Variants in IMPACT observed in about 807,000 individuals in gnomAD.
IMPACT encodes impact RWD domain protein, also known as protein IMPACT.
In IMPACT, 35 loss-of-function variants were observed where a neutral mutation model predicts 47.5. That is an observed-to-expected ratio of 0.74 (90% CI 0.56 to 0.98). The LOEUF (loss-of-function observed/expected upper bound fraction) is 0.98, where lower values mean the gene tolerates loss of function less well. Among genes scored for constraint, IMPACT ranks in the 50% least tolerant of loss-of-function variants. IMPACT has a pLI of 0.00. For synonymous variants in IMPACT, 118 were observed against 125.6 expected (o/e 0.94, Z 0.40); for missense variants, 373 against 394.8 (o/e 0.94, Z 0.47).
chr18:24,440,394 C>T (rs1018910645), intron 5 of IMPACT, 102 bp from the exon 6 acceptor site: 13 of 1,217,642 alleles, frequency 1.1e-5, no homozygotes, highest in South Asian at 4.2e-5. Context: ...TGGTTCCTTT[C>T]GTTGAAGAGT....
chr18:24,438,075 C>A, intron 5 of IMPACT, 35 bp downstream of exon 5: 1 of 893,756 alleles, frequency 1.1e-6, no homozygotes, highest in Non-Finnish European at 1.8e-6. Flanking sequence ...ACTCTTTTAA[C>A]TTATAATAAC....
At chr18:24,426,997 G>A (rs565657473) in intron 1 of IMPACT, 62 of 396,986 alleles carry the variant, frequency 1.6e-4, no homozygotes, top group African/African-American at 1.3e-3. Context: ...CGGCGGCCGC[G>A]GTCTCGGCCT....
intron 6 of IMPACT, among the ~76,000 whole-genome samples, chr18:24,440,820 A>T (rs1909090082): frequency 6.6e-6 from 1 of 152,228 alleles, no homozygotes; most frequent in Non-Finnish European, 1.5e-5. Flanking sequence ...AAAAAATGGA[A>T]ATTTACTCTT....
At chr18:24,449,031 G>C (rs1335565020) in intron 9 of IMPACT, among the ~76,000 whole-genome samples, 1 of 152,118 alleles carries the variant, frequency 6.6e-6, no homozygotes, top group Non-Finnish European at 1.5e-5. Flanking sequence ...TAAACTGGTG[G>C]GCTTCACATT....
chr18:24,441,652 G>A (rs903567427), intron 6 of IMPACT, among the ~76,000 whole-genome samples: 1 of 152,138 alleles, frequency 6.6e-6, no homozygotes. Context: ...CATTCTGTTT[G>A]AAGGTGAGGG....
intron 4 of IMPACT, among the ~76,000 whole-genome samples, chr18:24,434,043 T>A (rs1364877647): frequency 2.0e-5 from 3 of 151,950 alleles, no homozygotes; most frequent in Non-Finnish European, 2.9e-5. Flanking sequence ...TACAGGTTTT[T>A]AAAAATTAAA....
At chr18:24,426,916 C>G in intron 1 of IMPACT, 124 bp downstream of exon 1, 1 of 618,476 alleles carries the variant, frequency 1.6e-6, no homozygotes, top group Non-Finnish European at 2.3e-6. Flanking sequence ...ACTGGCCACG[C>G]CATTTGCTCC....
At chr18:24,446,167 A>G (rs1367333959) in intron 8 of IMPACT, among the ~76,000 whole-genome samples, 1 of 151,942 alleles carries the variant, frequency 6.6e-6, no homozygotes, top group East Asian at 1.9e-4. Context: ...GGCCCAAGCA[A>G]TCCTCCCACC....
intron 4 of IMPACT, among the ~76,000 whole-genome samples, chr18:24,430,674 G>A (rs1039047730): frequency 1.2e-4 from 18 of 152,152 alleles, no homozygotes; most frequent in Non-Finnish European, 2.4e-4. Context: ...TGAGATGGGA[G>A]GATTGCTTGA....
chr18:24,428,025 C>T lies in IMPACT; in HGVS notation c.143C>T (p.Pro48Leu), dbSNP rs779470134. The change falls in exon 2 of 11, where the codon CCC (proline) becomes CTC (leucine). Residue 48 changes from proline (P) to leucine (L), a missense_variant. Transcript: ENST00000284202. Reference protein sequence around the residue: ...CIRISDDIDDPKWTLCLQVML... With the variant: ...CIRISDDIDDLKWTLCLQVML... Reference sequence around the variant, plus strand: ...AGAATTAGCGACGATATAGATGACCCCAAATGGACACTTTGCTTGCAGGTA... The same window carrying T: ...AGAATTAGCGACGATATAGATGACCTCAAATGGACACTTTGCTTGCAGGTA... The T allele has an allele frequency of 4.4e-6, 7 of 1,582,114 alleles. No individual in the cohort carries two copies. Among genetic ancestry groups the T allele is most frequent in the Non-Finnish European group, 6.0e-6 (7 of 1,169,668 alleles).
intron 4 of IMPACT, among the ~76,000 whole-genome samples, chr18:24,437,059 A>G (rs7240651): frequency 0.33 from 49,510 of 151,974 alleles, 9,811 homozygotes; most frequent in Middle Eastern, 0.47. Context: ...TTTAAAAACA[A>G]TGTTGTTTTC....
At chr18:24,429,874 T>G (rs1908707864) in intron 3 of IMPACT, among the ~76,000 whole-genome samples, 1 of 150,778 alleles carries the variant, frequency 6.6e-6, no homozygotes. Flanking sequence ...GCCTCCCGGG[T>G]TCACACCATT....
intron 4 of IMPACT, chr18:24,435,397 A>T (rs775844070): frequency 1.3e-5 from 2 of 152,240 alleles, no homozygotes; most frequent in Non-Finnish European, 2.9e-5. Flanking sequence ...AATGAAAAGG[A>T]TTACAAGTTT....
intron 2 of IMPACT, among the ~76,000 whole-genome samples, chr18:24,428,645 G>T (rs535029216): frequency 5.9e-5 from 9 of 152,280 alleles, no homozygotes; most frequent in African/African-American, 2.2e-4. Flanking sequence ...ATAGTTAATG[G>T]TGTTTCCTAG....
At chr18:24,427,802 A>C (rs1257218554) in intron 1 of IMPACT, 117 bp from the exon 2 acceptor site, 21 of 966,168 alleles carry the variant, frequency 2.2e-5, no homozygotes, top group Non-Finnish European at 2.9e-5. Flanking sequence ...GGTGAGGCTC[A>C]TCTAGGAATT....
intron 3 of IMPACT, 45 bp from the exon 4 acceptor site, chr18:24,430,277 A>G: frequency 2.9e-6 from 4 of 1,365,274 alleles, no homozygotes; most frequent in Non-Finnish European, 4.0e-6. Context: ...TGAGGTATAA[A>G]CATAATCCTT....
chr18:24,436,299 C>G (rs1404091807), intron 4 of IMPACT, among the ~76,000 whole-genome samples: 1 of 151,972 alleles, frequency 6.6e-6, no homozygotes, highest in African/African-American at 2.4e-5. Flanking sequence ...GGCTGGAGTG[C>G]AGTGGTGCAA....
At position 24,444,178 on chromosome 18, in the gene IMPACT, T is replaced by G. The variant is rs567154550; in HGVS notation, c.594+1026T>G. ...GTCCCTGGCCCTTAGTCACATCTTC[T>G]TCCCAGGGTCCTCCTGAGACATTCT... is the stretch of plus-strand genomic sequence containing the variant. On this transcript the variant is annotated intron_variant, in intron 7 of 10. Transcript: ENST00000284202. Among the ~76,000 whole-genome samples, 3 of 152,350 alleles carry G rather than the reference T, an allele frequency of 2.0e-5. No individual in the cohort carries two copies. In the East Asian group the frequency reaches 5.8e-4, roughly 29 times the overall value.
intron 4 of IMPACT, among the ~76,000 whole-genome samples, chr18:24,434,795 ATGTGTG>A (rs71994854): frequency 1.5e-5 from 1 of 67,618 alleles, no homozygotes; most frequent in Admixed American, 1.5e-4. Context: ...ATATATATAT[ATGTGTG>A]TGTGTGTGTA....
Sources: allele counts gnomAD v4.1 joint callset (sites outside exome capture counted in the v4.1 genomes callset), GRCh38; gene constraint gnomAD v4.1.1; transcripts MANE v1.5; gene names NCBI Gene and HGNC (gene_info 2026-07-23, HGNC 2026-07-21).